Variants in RUNX1 observed in about 807,000 individuals in gnomAD.
The protein encoded by RUNX1 is runt-related transcription factor 1.
Under a neutral mutation model 42.8 loss-of-function variants are expected in RUNX1, and 19 were observed. The observed-to-expected ratio is 0.44, with a 90% CI of 0.31 to 0.65. The LOEUF is 0.65. Among genes scored for constraint, RUNX1 ranks in the 30% least tolerant of loss-of-function variants. The pLI is 0.07. For synonymous variants in RUNX1, 271 were observed against 289.4 expected (o/e 0.94, Z 0.64); for missense variants, 528 against 672.0 (o/e 0.79, Z 2.37).
chr21:34,866,886 T>C (rs529660222), intron 5 of RUNX1, among the ~76,000 whole-genome samples: 169 of 152,336 alleles, frequency 1.1e-3, no homozygotes, highest in African/African-American at 3.8e-3. Flanking sequence ...AAAGTCAGAC[T>C]GAAAATCAGG....
intron 2 of RUNX1, among the ~76,000 whole-genome samples, chr21:34,967,826 C>T (rs966744127): frequency 1.3e-5 from 2 of 152,162 alleles, no homozygotes; most frequent in African/African-American, 4.8e-5. Flanking sequence ...AGGCAGCTTC[C>T]ATCGAAGGGA....
intron 2 of RUNX1, among the ~76,000 whole-genome samples, chr21:34,968,193 G>A (rs966733585): frequency 9.2e-5 from 14 of 152,156 alleles, no homozygotes; most frequent in African/African-American, 2.7e-4. Flanking sequence ...TCAGCTCTCC[G>A]CAGGACTCTG....
At chr21:34,968,757 A>AACTT (rs1485375369) in intron 2 of RUNX1, among the ~76,000 whole-genome samples, 1 of 152,092 alleles carries the variant, frequency 6.6e-6, no homozygotes, top group Non-Finnish European at 1.5e-5. Context: ...ATCTGTGGAA[A>AACTT]ACTTCTATGA....
chr21:34,862,115 TGAGA>T (rs137981085), intron 5 of RUNX1, among the ~76,000 whole-genome samples: 3 of 148,428 alleles, frequency 2.0e-5, no homozygotes, highest in Admixed American at 6.7e-5. Flanking sequence ...TGTGGGTGTA[TGAGA>T]GAGAGAGAGA....
At chr21:34,815,292 TTGGAA>T (rs757968592) in intron 7 of RUNX1, among the ~76,000 whole-genome samples, 6 of 152,172 alleles carry the variant, frequency 3.9e-5, no homozygotes, top group Non-Finnish European at 8.8e-5. Flanking sequence ...CACAGAGGTG[TTGGAA>T]TGGTTCTTCA....
intron 2 of RUNX1, among the ~76,000 whole-genome samples, chr21:34,984,996 T>C (rs2058874634): frequency 6.6e-6 from 1 of 152,050 alleles, no homozygotes; most frequent in African/African-American, 2.4e-5. Flanking sequence ...ATATATAGCA[T>C]GGTAGGAGGT....
intron 8 of RUNX1, among the ~76,000 whole-genome samples, chr21:34,795,167 T>C (rs1316963580): frequency 6.6e-6 from 1 of 152,238 alleles, no homozygotes; most frequent in Non-Finnish European, 1.5e-5. Flanking sequence ...ATGTGGCCTG[T>C]GTCCTTTTGA....
At chr21:35,026,261 C>A (rs2059235729) in intron 2 of RUNX1, among the ~76,000 whole-genome samples, 1 of 152,214 alleles carries the variant, frequency 6.6e-6, no homozygotes, top group Admixed American at 6.5e-5. Flanking sequence ...TTTTGGTTTC[C>A]AGTGAATATC....
At chr21:35,047,003 T>C (rs957811055) in intron 2 of RUNX1, among the ~76,000 whole-genome samples, 4 of 152,114 alleles carry the variant, frequency 2.6e-5, no homozygotes, top group Non-Finnish European at 4.4e-5. Context: ...ATAGCCAGAC[T>C]CCTGCTATTT....
intron 5 of RUNX1, among the ~76,000 whole-genome samples, chr21:34,868,446 C>T (rs1044432573): frequency 4.6e-5 from 7 of 152,090 alleles, no homozygotes; most frequent in African/African-American, 1.7e-4. Context: ...TAAGGCAATC[C>T]CCGCCCTATC....
chr21:35,001,642 A>G (rs2059045099), intron 2 of RUNX1, among the ~76,000 whole-genome samples: 1 of 152,166 alleles, frequency 6.6e-6, no homozygotes, highest in Admixed American at 6.5e-5. Context: ...TGGAAATTCT[A>G]GCCGGAGCAA....
At chr21:35,014,542 T>C (rs1197324420) in intron 2 of RUNX1, among the ~76,000 whole-genome samples, 1 of 152,234 alleles carries the variant, frequency 6.6e-6, no homozygotes, top group Non-Finnish European at 1.5e-5. Flanking sequence ...AAAGAGTTCC[T>C]GGGAAGGTCA....
intron 2 of RUNX1, among the ~76,000 whole-genome samples, chr21:35,038,002 G>C (rs1354217699): frequency 2.0e-5 from 3 of 151,974 alleles, no homozygotes; most frequent in Non-Finnish European, 4.4e-5. Context: ...GGCGGAGATG[G>C]CTTTCCTGTC....
intron 2 of RUNX1, among the ~76,000 whole-genome samples, chr21:34,922,070 T>C (rs2058358279): frequency 6.6e-6 from 1 of 152,232 alleles, no homozygotes; most frequent in African/African-American, 2.4e-5. Context: ...TCTATGTCTT[T>C]AATAGACACT....
At position 34,834,613 on chromosome 21, in the gene RUNX1, A is replaced by C. The variant is rs1260942095; in HGVS notation, c.614-12T>G. 1.4e-5 allele frequency: 20 copies of C among 1,417,000 alleles called. No individual in the cohort carries two copies. Among genetic ancestry groups the C allele is most frequent in the Admixed American group, 1.8e-5 (1 of 54,964 alleles). 87.8% of individuals were successfully genotyped at this position (1,417,000 alleles called of 1,614,324 possible). Reference sequence around the variant, plus strand: ...TTTCTGCCGATGTCCTATTGTGGGGAGCAGGGAGGGGAGGGGATGGGGGGA... The same window carrying C: ...TTTCTGCCGATGTCCTATTGTGGGGCGCAGGGAGGGGAGGGGATGGGGGGA... On this transcript the variant is annotated splice_polypyrimidine_tract_variant and intron_variant, in intron 6 of 8. Transcript: ENST00000675419.
intron 2 of RUNX1, among the ~76,000 whole-genome samples, chr21:34,998,517 T>A (rs535978014): frequency 1.3e-5 from 2 of 152,122 alleles, no homozygotes; most frequent in South Asian, 4.2e-4. Context: ...CCTCATCTCA[T>A]CTGGTCAGCT....
intron 7 of RUNX1, among the ~76,000 whole-genome samples, chr21:34,824,921 T>C (rs755041534): frequency 2.0e-5 from 3 of 152,230 alleles, no homozygotes; most frequent in Admixed American, 6.5e-5. Flanking sequence ...AAGCAGTAGC[T>C]TTCTAAGTAG....
At chr21:34,811,973 G>A (rs1362166619) in intron 7 of RUNX1, among the ~76,000 whole-genome samples, 1 of 151,442 alleles carries the variant, frequency 6.6e-6, no homozygotes, top group Non-Finnish European at 1.5e-5. Flanking sequence ...CTATACCCCC[G>A]AGAAATGCCC....
chr21:34,873,956 CATGTCATAGTATTCATAGGCAGCTCATTA>C (rs1391315084), intron 5 of RUNX1, among the ~76,000 whole-genome samples: 1 of 152,192 alleles, frequency 6.6e-6, no homozygotes, highest in Non-Finnish European at 1.5e-5. Flanking sequence ...AAAACGAGCG[CATGTCATAGTATTCATAGGCAGCTCATTA>C]AATCCACACT....
Sources: allele counts gnomAD v4.1 joint callset (sites outside exome capture counted in the v4.1 genomes callset), GRCh38; gene constraint gnomAD v4.1.1; transcripts MANE v1.5; gene names NCBI Gene and HGNC (gene_info 2026-07-23, HGNC 2026-07-21).